PCNX1: variants seen among roughly 807,000 people sequenced by gnomAD.
PCNX1 encodes pecanex-like protein 1.
PCNX1 carries 78 observed loss-of-function variants against 242.2 expected under a neutral mutation model. The observed-to-expected ratio is 0.32, with a 90% CI of 0.27 to 0.39. PCNX1 has a LOEUF of 0.39. PCNX1 is among the 10% of genes least tolerant of loss of function. The probability of loss-of-function intolerance (pLI) is 1.00; values close to 1 mark genes in which losing one functional copy is unlikely to be tolerated. For missense variants in PCNX1, 2,581 were observed against 2,856.5 expected (o/e 0.90, Z 2.20); for synonymous variants, 1,024 against 1,032.9 (o/e 0.99, Z 0.17).
At chr14:71,029,844 C>A (rs1256095787) in intron 16 of PCNX1, among the ~76,000 whole-genome samples, 1 of 152,166 alleles carries the variant, frequency 6.6e-6, no homozygotes, top group African/African-American at 2.4e-5. Flanking sequence ...GAAAGGTAAG[C>A]AAAGGCTGGA....
At position 70,978,143 on chromosome 14, in the gene PCNX1, T is replaced by C. The variant is rs2140126971; in HGVS notation, c.1806T>C (p.Ser602=). ...CTATATTTTGTCATGACGAAGACTC[T>C]AGTGATCAGAGTGACTTGAGTAGAG... is the stretch of plus-strand genomic sequence containing the variant. ...HSAIFCHDED[S]SDQSDLSRAS... The change falls in exon 6 of 36, where the codon TCT becomes TCC. Residue 602 remains serine (S), a synonymous_variant. Transcript: ENST00000304743. The C allele has an allele frequency of 6.2e-7, 1 of 1,614,158 alleles. No homozygotes were observed. The highest frequency in any genetic ancestry group is 8.5e-7 in the Non-Finnish European group (1 of 1,180,012).
At chr14:70,922,950 A>G (rs978193926) in intron 1 of PCNX1, among the ~76,000 whole-genome samples, 2 of 152,164 alleles carry the variant, frequency 1.3e-5, no homozygotes, top group Non-Finnish European at 2.9e-5. Flanking sequence ...TATTCTCTCC[A>G]GGATGTGAAA....
intron 22 of PCNX1, chr14:71,049,032 CAG>C (rs1415444504): frequency 1.0e-6 from 1 of 954,328 alleles, no homozygotes; most frequent in Non-Finnish European, 1.2e-6. Flanking sequence ...GAAAATTAAT[CAG>C]AGAATTGTAT....
chr14:70,934,228 T>C (rs895740290), intron 1 of PCNX1, among the ~76,000 whole-genome samples: 4 of 152,180 alleles, frequency 2.6e-5, no homozygotes, highest in African/African-American at 7.2e-5. Context: ...CTTGAACCTA[T>C]TACTCCTGGA....
intron 16 of PCNX1, chr14:71,031,560 A>G (rs2060384534): frequency 1.3e-5 from 6 of 458,082 alleles, no homozygotes; most frequent in South Asian, 8.1e-5. Context: ...AACTTCAACA[A>G]CCTCCTGAGA....
intron 2 of PCNX1, among the ~76,000 whole-genome samples, chr14:70,956,714 T>C (rs1034265083): frequency 9.9e-5 from 15 of 152,190 alleles, no homozygotes; most frequent in African/African-American, 3.4e-4. Context: ...ATATGATAAC[T>C]TATTTGCAGA....
At chr14:71,099,162 T>A (rs567599765) in intron 30 of PCNX1, among the ~76,000 whole-genome samples, 29 of 150,276 alleles carry the variant, frequency 1.9e-4, no homozygotes, top group Non-Finnish European at 3.3e-4. Context: ...TATTTTGATT[T>A]TTTTTTTTTT....
intron 16 of PCNX1, chr14:71,031,795 C>T: frequency 1.4e-6 from 2 of 1,471,858 alleles, no homozygotes; most frequent in South Asian, 2.3e-5. Context: ...GTGCAGGGAG[C>T]CCATGCATAG....
At chr14:71,076,530 T>C in intron 28 of PCNX1, 111 bp downstream of exon 28, 1 of 685,526 alleles carries the variant, frequency 1.5e-6, no homozygotes, top group East Asian at 2.7e-5. Flanking sequence ...CTCTTTCTGA[T>C]CTTCTGGTTA....
At chr14:70,919,718 C>CCG (rs2056300176) in intron 1 of PCNX1, among the ~76,000 whole-genome samples, 1 of 31,404 alleles carries the variant, frequency 3.2e-5, no homozygotes. Context: ...CTCCCCCCCC[C>CCG]CCCCCCCCCC....
At chr14:71,010,993 A>G (rs2059806703) in intron 9 of PCNX1, among the ~76,000 whole-genome samples, 1 of 152,120 alleles carries the variant, frequency 6.6e-6, no homozygotes, top group African/African-American at 2.4e-5. Flanking sequence ...GGAGGGAGGG[A>G]TAGAAATGCT....
intron 18 of PCNX1, among the ~76,000 whole-genome samples, chr14:71,035,816 G>A (rs2060513750): frequency 6.6e-6 from 1 of 152,206 alleles, no homozygotes; most frequent in Non-Finnish European, 1.5e-5. Context: ...GGCTGAGGCA[G>A]GAGAATCGCT....
intron 13 of PCNX1, among the ~76,000 whole-genome samples, chr14:71,024,813 T>TC (rs1228166487): frequency 6.6e-6 from 1 of 152,158 alleles, no homozygotes; most frequent in Non-Finnish European, 1.5e-5. Context: ...TAGCACCACT[T>TC]CCCCAATTGT....
chr14:71,114,461 G>GAGTC lies in PCNX1; in HGVS notation c.*4528_*4531dup, dbSNP rs1030613154. On this transcript the variant is annotated 3_prime_UTR_variant, in exon 36 of 36. Coordinates refer to ENST00000304743, the MANE Select transcript of PCNX1 (RefSeq NM_014982.3). ...TTTTCTACTTTGAATCACCTCACCA[G>GAGTC]AGTCATCTGTCAAGAATTATGTATA... is the stretch of plus-strand genomic sequence containing the variant. 2.0e-5 allele frequency: 3 copies of GAGTC among 152,340 alleles called. No individual in the cohort carries two copies. Among genetic ancestry groups the GAGTC allele is most frequent in the African/African-American group, 7.2e-5 (3 of 41,462 alleles). The allele number at this position is 152,340 out of a possible 1,614,324, so 9.4% of individuals were successfully genotyped here.
chr14:70,963,333 T>G (rs937841331), intron 3 of PCNX1, among the ~76,000 whole-genome samples: 3 of 152,206 alleles, frequency 2.0e-5, no homozygotes, highest in African/African-American at 2.4e-5. Flanking sequence ...TAGATTTTCC[T>G]CTTTTTTTCT....
intron 15 of PCNX1, among the ~76,000 whole-genome samples, chr14:71,028,016 T>C (rs1252204791): frequency 6.6e-6 from 1 of 151,898 alleles, no homozygotes; most frequent in African/African-American, 2.4e-5. Context: ...TCTTTTATTA[T>C]TATTAAATTA....
chr14:70,913,128 C>T (rs1371010084), intron 1 of PCNX1, among the ~76,000 whole-genome samples: 1 of 152,202 alleles, frequency 6.6e-6, no homozygotes, highest in Non-Finnish European at 1.5e-5. Flanking sequence ...CTTGTAAGTT[C>T]CATGAGGGCA....
intron 26 of PCNX1, among the ~76,000 whole-genome samples, chr14:71,059,193 A>G (rs1310684544): frequency 1.3e-5 from 2 of 152,224 alleles, no homozygotes; most frequent in East Asian, 1.9e-4. Flanking sequence ...TCTCCAAATC[A>G]GAAAAGTTAT....
At chr14:70,946,867 G>C (rs371897503) in intron 1 of PCNX1, 48 bp from the exon 2 acceptor site, 16 of 1,201,714 alleles carry the variant, frequency 1.3e-5, no homozygotes, top group Middle Eastern at 2.6e-4. Flanking sequence ...AATTGAATAC[G>C]ATATAAAATA....
Sources: allele counts gnomAD v4.1 joint callset (sites outside exome capture counted in the v4.1 genomes callset), GRCh38; gene constraint gnomAD v4.1.1; transcripts MANE v1.5; gene names NCBI Gene and HGNC (gene_info 2026-07-23, HGNC 2026-07-21).